The following KSR2 variants were observed in gnomAD, a reference collection of about 807,000 sequenced individuals.
The protein encoded by KSR2 is kinase suppressor of ras 2.
A neutral mutation model predicts 107.8 loss-of-function variants in KSR2; 25 were observed. The ratio of observed to expected loss-of-function variants is 0.23; its 90% CI spans 0.17 to 0.32. KSR2 has a LOEUF of 0.32. Among genes scored for constraint, KSR2 ranks in the 10% least tolerant of loss-of-function variants. The pLI is 1.00. For missense variants in KSR2, 887 were observed against 1,268.9 expected (o/e 0.70, Z 4.57); for synonymous variants, 480 against 507.0 (o/e 0.95, Z 0.71).
chr12:117,928,923 G>A (rs1895616476), intron 1 of KSR2, among the ~76,000 whole-genome samples: 6 of 152,144 alleles, frequency 3.9e-5, no homozygotes. Context: ...AGATCTGGTA[G>A]ACTTCAATGC....
intron 4 of KSR2, among the ~76,000 whole-genome samples, chr12:117,699,826 G>T (rs917072227): frequency 7.9e-5 from 12 of 152,044 alleles, no homozygotes; most frequent in Non-Finnish European, 1.8e-4. Flanking sequence ...GGTTACAATG[G>T]CTATGACGTC....
At chr12:117,929,003 C>T (rs929631835) in intron 1 of KSR2, among the ~76,000 whole-genome samples, 12 of 152,180 alleles carry the variant, frequency 7.9e-5, no homozygotes, top group African/African-American at 2.4e-4. Flanking sequence ...AAGGCAGTCT[C>T]GCATGTGTCC....
At chr12:117,532,464 A>C (rs547474548) in intron 10 of KSR2, among the ~76,000 whole-genome samples, 24 of 152,288 alleles carry the variant, frequency 1.6e-4, no homozygotes, top group Admixed American at 4.6e-4. Flanking sequence ...AAGCTAAGAT[A>C]ATCCTCCCAT....
intron 4 of KSR2, among the ~76,000 whole-genome samples, chr12:117,732,528 G>A (rs1188839973): frequency 6.6e-6 from 1 of 152,062 alleles, no homozygotes; most frequent in Non-Finnish European, 1.5e-5. Context: ...AACCTCAAGT[G>A]ATCCGTCCAC....
intron 8 of KSR2, among the ~76,000 whole-genome samples, chr12:117,556,868 T>C (rs968991214): frequency 1.3e-5 from 2 of 152,100 alleles, no homozygotes; most frequent in African/African-American, 4.8e-5. Flanking sequence ...CTGCTTACAT[T>C]TAAAAATAAG....
At chr12:117,817,559 C>T (rs1053564552) in intron 3 of KSR2, among the ~76,000 whole-genome samples, 1 of 152,082 alleles carries the variant, frequency 6.6e-6, no homozygotes, top group Non-Finnish European at 1.5e-5. Context: ...AAGAAAGGAC[C>T]CTGCTCCAGG....
chr12:117,579,088 C>G (rs369127977), intron 7 of KSR2, 31 bp downstream of exon 7: 1 of 1,553,610 alleles, frequency 6.4e-7, no homozygotes, highest in Middle Eastern at 1.7e-4. Flanking sequence ...TCGGGTGCTG[C>G]GAAAAGTCAC....
chr12:117,806,964 G>A (rs751719508), intron 3 of KSR2, among the ~76,000 whole-genome samples: 12 of 152,280 alleles, frequency 7.9e-5, no homozygotes, highest in East Asian at 1.9e-4. Context: ...GCCTGTCCCC[G>A]TGCCCGTCCC....
At chr12:117,884,107 T>C (rs1894106630) in intron 1 of KSR2, among the ~76,000 whole-genome samples, 1 of 152,066 alleles carries the variant, frequency 6.6e-6, no homozygotes, top group African/African-American at 2.4e-5. Context: ...ACTGTGCCCA[T>C]CTTACAAATA....
chr12:117,554,706 G>A (rs932957069), intron 9 of KSR2, among the ~76,000 whole-genome samples: 2 of 152,228 alleles, frequency 1.3e-5, no homozygotes, highest in Non-Finnish European at 2.9e-5. Context: ...TGTGCCTTTC[G>A]CCTTCTGCCA....
Position 117,761,424 on chromosome 12 carries a change from G to A in KSR2, c.573C>T (p.Ile191=). The change falls in exon 4 of 20, where the codon ATC becomes ATT. Residue 191 remains isoleucine, a synonymous_variant. Transcript: ENST00000339824. ...TGGGGCTCTGGGAGAGATGGGTGCGGATCCACGGGGTGGGCTCCGGGGGGC... is the reference window on the plus strand; with the variant it reads ...TGGGGCTCTGGGAGAGATGGGTGCGAATCCACGGGGTGGGCTCCGGGGGGC... ...PVCPPEPTPW[I]RTHLSQSPRV... is the part of the protein sequence containing the mutation. 6.2e-7 allele frequency: 1 copy of A among 1,612,328 alleles called. No homozygotes were observed. The highest frequency in any genetic ancestry group is 8.5e-7 in the Non-Finnish European group (1 of 1,179,488).
Position 117,539,840 on chromosome 12 carries a change from G to T in KSR2, c.1566C>A (p.Ser522=). ...AGGAGGGCGTGGAGGACGTCGTGGA[G>T]GAGGGGTTGCTGCTGGAGTCTGGCT... is the stretch of plus-strand genomic sequence containing the variant. ...PYQPDSSSNP[S]STTSSTPSSP... Residue 522 remains serine, a synonymous_variant, in exon 10 of 20, where the codon TCC becomes TCA. Coordinates refer to ENST00000339824, the MANE Select transcript of KSR2 (RefSeq NM_173598.6). 6.2e-7 allele frequency: 1 copy of T among 1,610,868 alleles called. No individual in the cohort carries two copies. Among genetic ancestry groups the T allele is most frequent in the Non-Finnish European group, 8.5e-7 (1 of 1,178,764 alleles).
At chr12:117,652,018 G>A (rs1389919411) in intron 5 of KSR2, among the ~76,000 whole-genome samples, 1 of 152,160 alleles carries the variant, frequency 6.6e-6, no homozygotes, top group African/African-American at 2.4e-5. Flanking sequence ...AAGGCAAAGT[G>A]GCAATCAGAA....
At chr12:117,548,047 A>C (rs1226051697) in intron 9 of KSR2, among the ~76,000 whole-genome samples, 1 of 151,912 alleles carries the variant, frequency 6.6e-6, no homozygotes, top group African/African-American at 2.4e-5. Context: ...CAGTAAGCTG[A>C]GATTGCGCCA....
chr12:117,483,378 AAAAT>A (rs1872280588), intron 16 of KSR2, among the ~76,000 whole-genome samples: 1 of 152,056 alleles, frequency 6.6e-6, no homozygotes, highest in South Asian at 2.1e-4. Context: ...AAAAAATAAA[AAAAT>A]AAATAAATAA....
intron 4 of KSR2, among the ~76,000 whole-genome samples, chr12:117,749,151 C>T (rs1352649549): frequency 1.0e-5 from 1 of 98,666 alleles, no homozygotes; most frequent in African/African-American, 5.6e-5. Context: ...ACGAACAATA[C>T]CTCCCAGGCC....
At chr12:117,918,157 G>A (rs1895236775) in intron 1 of KSR2, among the ~76,000 whole-genome samples, 1 of 152,224 alleles carries the variant, frequency 6.6e-6, no homozygotes, top group African/African-American at 2.4e-5. Flanking sequence ...CCAACAGGCA[G>A]TTGCCTTTCA....
intron 4 of KSR2, among the ~76,000 whole-genome samples, chr12:117,731,139 G>C (rs541928997): frequency 3.2e-4 from 48 of 150,316 alleles, no homozygotes; most frequent in African/African-American, 1.2e-3. Context: ...GGGAGGTGAG[G>C]AGCGTCTCTG....
chr12:117,737,723 C>G (rs1282532681), intron 4 of KSR2, among the ~76,000 whole-genome samples: 1 of 137,430 alleles, frequency 7.3e-6, no homozygotes, highest in African/African-American at 2.8e-5. Context: ...GCAGAAGTTG[C>G]AGTGAGCTGA....
Sources: gnomAD v4.1 joint callset for allele counts (sites outside exome capture counted in the v4.1 genomes callset) on GRCh38, gnomAD v4.1.1 for gene constraint, MANE v1.5 for transcripts, NCBI Gene and HGNC (gene_info 2026-07-23, HGNC 2026-07-21) for gene names.